The following CECR2 variants were observed in gnomAD, a reference collection of about 807,000 sequenced individuals.
The protein encoded by CECR2 is CECR2 histone acetyl-lysine reader, also known as chromatin remodeling regulator CECR2.
In CECR2, 30 loss-of-function variants were observed where a neutral mutation model predicts 154.5. The observed-to-expected ratio is 0.19, with a 90% confidence interval of 0.15 to 0.26. The LOEUF is 0.26. CECR2 is among the 10% of genes least tolerant of loss of function. The pLI is 1.00. For synonymous variants in CECR2, 725 were observed against 683.7 expected (o/e 1.06, Z -0.94); for missense variants, 1,743 against 1,829.3 (o/e 0.95, Z 0.86).
chr22:17,548,185 T>G lies in CECR2; in HGVS notation c.2898T>G (p.Gly966=). 1 of 1,576,242 alleles carries G rather than the reference T, an allele frequency of 6.3e-7. No homozygotes were observed. The highest frequency in any genetic ancestry group is 1.2e-5 in the South Asian group (1 of 86,158). Residue 966 remains glycine, a synonymous_variant, in exon 17 of 19, where the codon GGT becomes GGG. Transcript: ENST00000262608. Reference sequence around the variant, plus strand: ...CTGGCCTTGAAGAGAAACCACCAGGTGTTGGTACTTCAGAGGGGGTCTACC... The same window carrying G: ...CTGGCCTTGAAGAGAAACCACCAGGGGTTGGTACTTCAGAGGGGGTCTACC... ...PLPGLEEKPP[G]VGTSEGVYLT...
At chr22:17,420,248 C>T (rs770255546) in intron 1 of CECR2, among the ~76,000 whole-genome samples, 19 of 148,578 alleles carry the variant, frequency 1.3e-4, no homozygotes, top group Non-Finnish European at 5.9e-5. Context: ...GCAGAAGCTC[C>T]TTTAGATTGC....
intron 1 of CECR2, among the ~76,000 whole-genome samples, chr22:17,395,771 A>AT (rs1368022334): frequency 6.6e-6 from 1 of 151,988 alleles, no homozygotes; most frequent in Non-Finnish European, 1.5e-5. Flanking sequence ...CCAATTCCAG[A>AT]TTTTTTTCCC....
chr22:17,454,025 AC>A (rs2054813774), intron 1 of CECR2, among the ~76,000 whole-genome samples: 1 of 152,242 alleles, frequency 6.6e-6, no homozygotes, highest in Non-Finnish European at 1.5e-5. Flanking sequence ...TTTGCCACTT[AC>A]CAGCACTGTA....
chr22:17,457,208 C>T (rs1340263789), intron 1 of CECR2, among the ~76,000 whole-genome samples: 2 of 152,214 alleles, frequency 1.3e-5, no homozygotes, highest in Non-Finnish European at 2.9e-5. Flanking sequence ...TGTATTTTTA[C>T]TAGAGACGGG....
Position 17,548,289 on chromosome 22 carries a change from T to C in CECR2, c.3002T>C (p.Val1001Ala), listed in dbSNP as rs2056646277. ...RQSSPQERET[V>A]GPELKSSSSE... Reference sequence around the variant, plus strand: ...AGCTCACCACAAGAAAGGGAAACAGTGGGCCCGGAGCTCAAAAGCAGCTCC... The same window carrying C: ...AGCTCACCACAAGAAAGGGAAACAGCGGGCCCGGAGCTCAAAAGCAGCTCC... Residue 1001 changes from valine (V) to alanine (A), a missense_variant, in exon 17 of 19, where the codon GTG becomes GCG. Physicochemically the swap from Val to Ala is moderately conservative, Grantham distance 64. Transcript: ENST00000262608. The C allele has an allele frequency of 6.2e-7, 1 of 1,608,340 alleles. No homozygotes were observed. Among genetic ancestry groups the C allele is most frequent in the Non-Finnish European group, 8.5e-7 (1 of 1,177,380 alleles).
chr22:17,462,532 T>G (rs2054958323), intron 1 of CECR2, among the ~76,000 whole-genome samples: 1 of 152,196 alleles, frequency 6.6e-6, no homozygotes, highest in Admixed American at 6.5e-5. Flanking sequence ...GAATTGAATT[T>G]AAGCAAATTT....
rs993589582 is a variant in CECR2 at position 17,447,038 on chromosome 22, T to C, written c.127-30550T>C. 7.8e-5 allele frequency among the ~76,000 whole-genome samples: 11 copies of C among 141,520 alleles called. 1 individual carries two copies. The highest frequency in any genetic ancestry group is 1.3e-4 in the Non-Finnish European group (9 of 66,688). 92.8% of individuals were successfully genotyped at this position (141,520 alleles called of 152,430 possible). On this transcript the variant is annotated intron_variant, in intron 1 of 18. Coordinates refer to ENST00000262608, the MANE Select transcript of CECR2 (RefSeq NM_001290047.2). ...CTGAGTGGTGCGTTTACAATCTTTTTTTTTTTTTTTTTTTGAGACAGAGTC... is the reference window on the plus strand; with the variant it reads ...CTGAGTGGTGCGTTTACAATCTTTTCTTTTTTTTTTTTTTGAGACAGAGTC...
chr22:17,557,152 T>TTC lies in CECR2; in HGVS notation c.*4313_*4314insCT, dbSNP rs1454236728. ...TCCCGTTTTTTTTCTTTTCTTTTTT[T>TTC]TTTTTTTTTTTTTGAGACGAAATCT... On this transcript the variant is annotated 3_prime_UTR_variant, in exon 19 of 19. Coordinates refer to ENST00000262608, the MANE Select transcript of CECR2 (RefSeq NM_001290047.2). 2.1e-5 allele frequency: 3 copies of TTC among 144,534 alleles called. No homozygotes were observed. Among genetic ancestry groups the TTC allele is most frequent in the Non-Finnish European group, 3.0e-5 (2 of 66,264 alleles). 9.0% of individuals were successfully genotyped at this position (144,534 alleles called of 1,614,324 possible). A position where few individuals can be genotyped will look rare whatever the true frequency, so the allele number is the denominator to read the frequency against.
chr22:17,410,701 CA>C (rs1328813886), intron 1 of CECR2, among the ~76,000 whole-genome samples: 2 of 152,188 alleles, frequency 1.3e-5, no homozygotes, highest in Non-Finnish European at 2.9e-5. Flanking sequence ...CTCAGCCTCC[CA>C]AACTGCTGGG....
At chr22:17,370,496 G>A (rs2063045671) in intron 1 of CECR2, among the ~76,000 whole-genome samples, 2 of 152,142 alleles carry the variant, frequency 1.3e-5, no homozygotes. Context: ...TGGGCGCGGG[G>A]CTCTGGAGGT....
At chr22:17,423,592 A>G (rs1172134802) in intron 1 of CECR2, among the ~76,000 whole-genome samples, 1 of 152,102 alleles carries the variant, frequency 6.6e-6, no homozygotes, top group East Asian at 1.9e-4. Context: ...TTCTGGCAAG[A>G]GAGGATTTTT....
At chr22:17,447,778 C>CT (rs1569088380) in intron 1 of CECR2, among the ~76,000 whole-genome samples, 1 of 151,982 alleles carries the variant, frequency 6.6e-6, no homozygotes. Context: ...GTTCAGAGCC[C>CT]TGTTGTCCAA....
chr22:17,463,068 A>G (rs2054968737), intron 1 of CECR2, among the ~76,000 whole-genome samples: 1 of 152,232 alleles, frequency 6.6e-6, no homozygotes, highest in African/African-American at 2.4e-5. Flanking sequence ...AGTTAGAAAA[A>G]TAAAGCAGAG....
chr22:17,401,028 A>G (rs2053884030), intron 1 of CECR2, among the ~76,000 whole-genome samples: 1 of 152,074 alleles, frequency 6.6e-6, no homozygotes, highest in Non-Finnish European at 1.5e-5. Context: ...TGGCCTTCCA[A>G]AGTGCTGGGA....
At chr22:17,361,484 A>C (rs2062977262) in intron 1 of CECR2, among the ~76,000 whole-genome samples, 1 of 152,034 alleles carries the variant, frequency 6.6e-6, no homozygotes, top group African/African-American at 2.4e-5. Flanking sequence ...CAAACAAAAC[A>C]AAAAACAAAC....
At chr22:17,452,229 C>T (rs140855082) in intron 1 of CECR2, among the ~76,000 whole-genome samples, 11 of 152,260 alleles carry the variant, frequency 7.2e-5, no homozygotes, top group African/African-American at 2.2e-4. Flanking sequence ...TGAGCCACCA[C>T]GCCAGACTAA....
At chr22:17,388,993 A>G (rs532673529) in intron 1 of CECR2, among the ~76,000 whole-genome samples, 1 of 152,144 alleles carries the variant, frequency 6.6e-6, no homozygotes, top group South Asian at 2.1e-4. Flanking sequence ...TTGTATTTTT[A>G]GTAGAGACGG....
At chr22:17,508,605 C>T (rs572860549) in intron 7 of CECR2, among the ~76,000 whole-genome samples, 4 of 151,982 alleles carry the variant, frequency 2.6e-5, no homozygotes, top group African/African-American at 7.2e-5. Flanking sequence ...TAGGCTATAC[C>T]CCATAACCTA....
rs11389089 is a variant in CECR2 at position 17,509,427 on chromosome 22, CT to C, written c.871-2372del. On this transcript the variant is annotated intron_variant, in intron 7 of 18. Coordinates refer to ENST00000262608, the MANE Select transcript of CECR2 (RefSeq NM_001290047.2). ...CATTCCATTTCACCTTGTTTCTTTT[CT>C]TTTTTTTTTTTTTAAACAGAGACAG... Among the ~76,000 whole-genome samples the C allele has an allele frequency of 4.7e-3, 664 of 140,966 alleles. 5 individuals carry two copies. The highest frequency in any genetic ancestry group is 0.013 in the African/African-American group (503 of 38,234). The allele number at this position is 140,966 out of a possible 152,430, so 92.5% of individuals were successfully genotyped here.
Sources: gnomAD v4.1 joint callset for allele counts (sites outside exome capture counted in the v4.1 genomes callset) on GRCh38, gnomAD v4.1.1 for gene constraint, MANE v1.5 for transcripts, NCBI Gene and HGNC (gene_info 2026-07-23, HGNC 2026-07-21) for gene names.